The following PDE4A variants were observed in gnomAD, a reference collection of about 807,000 sequenced individuals.
PDE4A encodes phosphodiesterase 4A, also known as 3',5'-cyclic-AMP phosphodiesterase 4A.
PDE4A carries 21 observed loss-of-function variants against 73.9 expected under a neutral mutation model. That is an observed-to-expected ratio of 0.28 (90% CI 0.20 to 0.41). The LOEUF (loss-of-function observed/expected upper bound fraction) is 0.41. Ranked by LOEUF, PDE4A falls within the 10% of genes least tolerant of loss-of-function variation. The probability of loss-of-function intolerance (pLI) is 1.00; values close to 1 mark genes in which losing one functional copy is unlikely to be tolerated. For missense variants in PDE4A, 958 were observed against 1,211.4 expected (o/e 0.79, Z 3.10); for synonymous variants, 463 against 505.4 (o/e 0.92, Z 1.13).
intron 7 of PDE4A, 37 bp from the exon 8 acceptor site, chr19:10,457,842 G>A: frequency 6.2e-7 from 1 of 1,610,310 alleles, no homozygotes; most frequent in Non-Finnish European, 8.5e-7. Flanking sequence ...GGGTGGAAGG[G>A]TTGTTCACAC....
Position 10,465,683 on chromosome 19 carries a change from C to CTTTTTTTTTTT in PDE4A, c.1927-1180_1927-1170dup, listed in dbSNP as rs749126870. Among the ~76,000 whole-genome samples, 32 of 48,380 alleles carry CTTTTTTTTTTT rather than the reference C, an allele frequency of 6.6e-4. 3 individuals carry two copies. Among genetic ancestry groups the CTTTTTTTTTTT allele is most frequent in the South Asian group, 1.0e-3 (1 of 966 alleles). 31.7% of individuals were successfully genotyped at this position (48,380 alleles called of 152,430 possible). A position where few individuals can be genotyped will look rare whatever the true frequency, so the allele number is the denominator to read the frequency against. On this transcript the variant is annotated intron_variant, in intron 14 of 14. Transcript: ENST00000380702. Reference sequence around the variant, plus strand: ...TCATAGCAATAGTTTGTGGCTTTAGCTTTTTTTTTTTTTTTTTTTTTTTTT... The same window carrying CTTTTTTTTTTT: ...TCATAGCAATAGTTTGTGGCTTTAGCTTTTTTTTTTTTTTTTTTTTTTTTTTTTTTTTTTTT...
chr19:10,424,208 A>C lies in PDE4A; in HGVS notation c.320+3124A>C, dbSNP rs1240836402. Among the ~76,000 whole-genome samples, 1 of 152,134 alleles carries C rather than the reference A, an allele frequency of 6.6e-6. No homozygotes were observed. Among genetic ancestry groups the C allele is most frequent in the Non-Finnish European group, 1.5e-5 (1 of 68,008 alleles). On this transcript the variant is annotated intron_variant, in intron 1 of 14. Transcript: ENST00000380702. This position sits in a 1 kb window ranked among gnomAD's most constrained non-coding sequence, Gnocchi z 4.8. ...ACGATCTGTCAAGAGGCAGATGGAG[A>C]GGGAGGAAGAGGAGGACTTTGGTGG... is the stretch of plus-strand genomic sequence containing the variant.
At chr19:10,432,387 G>T (rs931213599) in intron 1 of PDE4A, 2 of 1,347,876 alleles carry the variant, frequency 1.5e-6, no homozygotes, top group East Asian at 3.2e-5. Context: ...GCGCCACACC[G>T]CCCTGCCGCC....
Position 10,453,538 on chromosome 19 carries a change from G to C in PDE4A, c.784-1291G>C, listed in dbSNP as rs2043126848. Among the ~76,000 whole-genome samples the C allele has an allele frequency of 6.6e-6, 1 of 151,974 alleles. No individual in the cohort carries two copies. The highest frequency in any genetic ancestry group is 1.5e-5 in the Non-Finnish European group (1 of 67,978). The stretch of plus-strand genomic sequence containing the variant: ...GGACTGCGGGTCCCTCACTGGGTGT[G>C]ACTGTGTCAGTGCCTGGATGTGTGT... On this transcript the variant is annotated intron_variant, in intron 6 of 14. Transcript: ENST00000380702. The surrounding 1 kb of genome is among the most constrained non-coding windows in gnomAD (Gnocchi z 4.6).
At chr19:10,418,394 T>A (rs1427120619), upstream of PDE4A, among the ~76,000 whole-genome samples, 3 of 152,134 alleles carry the variant, frequency 2.0e-5, no homozygotes, top group Non-Finnish European at 4.4e-5. Flanking sequence ...ACCCCCCTCT[T>A]GGCTCAAGAA....
At chr19:10,436,025 G>A (rs937793105) in intron 1 of PDE4A, among the ~76,000 whole-genome samples, 10 of 152,212 alleles carry the variant, frequency 6.6e-5, no homozygotes, top group Non-Finnish European at 1.3e-4. Flanking sequence ...GACGTGAGCT[G>A]AGTCCCTTGG....
chr19:10,448,813 C>A, intron 2 of PDE4A, 104 bp from the exon 3 acceptor site: 1 of 1,570,136 alleles, frequency 6.4e-7, no homozygotes, highest in South Asian at 1.2e-5. Flanking sequence ...CCCACAGAGT[C>A]CCCTCCCTCC....
In PDE4A at chr19:10,444,453, G is replaced by A. The variant is rs572652065; in HGVS notation, c.321-1765G>A. Reference sequence around the variant, plus strand: ...GCGGAGGTTGCGGTGAGCTGAGATCGCGCCATTGCATTCCAGCCTGGGCAA... The same window carrying A: ...GCGGAGGTTGCGGTGAGCTGAGATCACGCCATTGCATTCCAGCCTGGGCAA... On this transcript the variant is annotated intron_variant, in intron 1 of 14. Coordinates refer to ENST00000380702, the MANE Select transcript of PDE4A (RefSeq NM_001111307.2). Among the ~76,000 whole-genome samples, 12 of 151,444 alleles carry A rather than the reference G, an allele frequency of 7.9e-5. 1 individual carries two copies. The highest frequency in any genetic ancestry group is 1.6e-4 in the Non-Finnish European group (11 of 67,924).
At chr19:10,421,876 C>G (rs1398959905) in intron 1 of PDE4A, among the ~76,000 whole-genome samples, 1 of 152,176 alleles carries the variant, frequency 6.6e-6, no homozygotes, top group Non-Finnish European at 1.5e-5. Flanking sequence ...CCGGGTATGA[C>G]CAGCTGTGGC....
At chr19:10,440,992 C>T (rs1198224255) in intron 1 of PDE4A, among the ~76,000 whole-genome samples, 1 of 151,788 alleles carries the variant, frequency 6.6e-6, no homozygotes, top group Non-Finnish European at 1.5e-5. Context: ...CCCACCTCGG[C>T]CTCCCAAAGT....
upstream of PDE4A, chr19:10,417,736 CGTCCGG>C: frequency 6.3e-7 from 1 of 1,588,126 alleles, no homozygotes; most frequent in South Asian, 1.1e-5. Context: ...CGCCGCCTCT[CGTCCGG>C]TCCTGGCCTG....
chr19:10,465,137 T>C (rs1264757468), intron 14 of PDE4A, among the ~76,000 whole-genome samples: 2 of 152,154 alleles, frequency 1.3e-5, no homozygotes, highest in African/African-American at 4.8e-5. Flanking sequence ...TTTTTTGTGC[T>C]AGGAGCTGCC....
intron 1 of PDE4A, chr19:10,427,409 T>TGGAGGCAAGTGTGTC: frequency 1.2e-6 from 1 of 816,800 alleles, no homozygotes; most frequent in Non-Finnish European, 1.5e-6. Context: ...TCTGATACGT[T>TGGAGGCAAGTGTGTC]GGAGGCAAGT....
intron 1 of PDE4A, chr19:10,432,619 A>G (rs1457694957): frequency 6.8e-7 from 1 of 1,478,680 alleles, no homozygotes; most frequent in South Asian, 1.3e-5. Context: ...ACTGAAGGGC[A>G]CTGGCTGTGC....
chr19:10,420,411 C>T (rs2042632770), upstream of PDE4A: 8 of 971,204 alleles, frequency 8.2e-6, no homozygotes, highest in Non-Finnish European at 9.8e-6. This position sits in a 1 kb window ranked among gnomAD's most constrained non-coding sequence, Gnocchi z 6.0. Flanking sequence ...CCCCGCTGGC[C>T]CGGACGGAGG....
intron 1 of PDE4A, among the ~76,000 whole-genome samples, chr19:10,422,157 TTGG>T (rs1189148527): frequency 6.6e-6 from 1 of 152,116 alleles, no homozygotes; most frequent in African/African-American, 2.4e-5. Flanking sequence ...TGCAATGGTG[TTGG>T]TGGTCTAGGG....
chr19:10,422,687 C>T (rs1348556612), intron 1 of PDE4A, among the ~76,000 whole-genome samples: 1 of 152,140 alleles, frequency 6.6e-6, no homozygotes, highest in Non-Finnish European at 1.5e-5. Flanking sequence ...TTCTGATCAC[C>T]CCCCAGCCCC....
intron 1 of PDE4A, among the ~76,000 whole-genome samples, chr19:10,434,890 T>A (rs960886912): frequency 1.0e-4 from 10 of 97,722 alleles, no homozygotes; most frequent in Non-Finnish European, 1.9e-4. Flanking sequence ...TGTGCCCAGC[T>A]TTTTTTTTTT....
chr19:10,445,478 C>T (rs571160597), intron 1 of PDE4A, among the ~76,000 whole-genome samples: 1 of 152,060 alleles, frequency 6.6e-6, no homozygotes, highest in African/African-American at 2.4e-5. Context: ...CTTTAACATC[C>T]TCCACTTGGT....
Sources: allele counts gnomAD v4.1 joint callset (sites outside exome capture counted in the v4.1 genomes callset), GRCh38; gene constraint gnomAD v4.1.1; non-coding constraint Gnocchi (gnomAD v3.1); transcripts MANE v1.5; gene names NCBI Gene and HGNC (gene_info 2026-07-23, HGNC 2026-07-21).